SDK1: variants seen among roughly 807,000 people sequenced by gnomAD.
SDK1 encodes the protein sidekick cell adhesion molecule 1.
A neutral mutation model predicts 245.5 loss-of-function variants in SDK1; 157 were observed. The observed-to-expected ratio is 0.64, with a 90% CI of 0.56 to 0.73. The LOEUF (loss-of-function observed/expected upper bound fraction) is 0.73. SDK1 is among the 30% of genes least tolerant of loss of function. SDK1 has a pLI of 0.00. For synonymous variants in SDK1, 1,647 were observed against 1,278.5 expected (o/e 1.29, Z -6.15); for missense variants, 3,583 against 3,002.3 (o/e 1.19, Z -4.52).
chr7:3,604,551 G>T, intron 1 of SDK1, among the ~76,000 whole-genome samples: 1 of 145,074 alleles, frequency 6.9e-6, no homozygotes, highest in South Asian at 2.2e-4. Flanking sequence ...TATTTTCATT[G>T]TTTTATTTAT....
At chr7:3,816,343 C>T (rs1265341970) in intron 4 of SDK1, among the ~76,000 whole-genome samples, 146 of 149,032 alleles carry the variant, frequency 9.8e-4, no homozygotes, top group African/African-American at 3.3e-3. Flanking sequence ...ATTGATAGAC[C>T]GCTAGCAAGA....
chr7:3,842,623 C>A (rs1780186699), intron 5 of SDK1, among the ~76,000 whole-genome samples: 1 of 152,140 alleles, frequency 6.6e-6, no homozygotes, highest in Non-Finnish European at 1.5e-5. Context: ...GGTATACTGT[C>A]AGTGGACAGT....
chr7:4,133,188 C>T (rs942603106), intron 28 of SDK1, among the ~76,000 whole-genome samples: 3 of 152,192 alleles, frequency 2.0e-5, no homozygotes, highest in East Asian at 1.9e-4. Context: ...TCCCGGGGAA[C>T]GCGTTTACTT....
intron 2 of SDK1, among the ~76,000 whole-genome samples, chr7:3,630,416 C>T (rs2128647853): frequency 6.6e-6 from 1 of 152,258 alleles, no homozygotes; most frequent in Middle Eastern, 3.4e-3. Flanking sequence ...AGAAGATCAA[C>T]ATATAAGAAT....
At chr7:3,333,233 G>A (rs893052278) in intron 1 of SDK1, among the ~76,000 whole-genome samples, 7 of 152,034 alleles carry the variant, frequency 4.6e-5, no homozygotes, top group African/African-American at 1.4e-4. Context: ...CAATATGGCC[G>A]GTTATTGGCA....
chr7:3,464,583 T>G (rs866182115), intron 1 of SDK1, among the ~76,000 whole-genome samples: 2 of 152,148 alleles, frequency 1.3e-5, no homozygotes, highest in Admixed American at 6.5e-5. Flanking sequence ...GTGGCTCTTT[T>G]TTTGTTTGTT....
chr7:3,795,349 G>A (rs1191947008), intron 4 of SDK1, among the ~76,000 whole-genome samples: 1 of 152,088 alleles, frequency 6.6e-6, no homozygotes. Flanking sequence ...TTGGCTTTCA[G>A]TACACCCTGG....
intron 1 of SDK1, among the ~76,000 whole-genome samples, chr7:3,516,818 G>A (rs1422752009): frequency 6.6e-6 from 1 of 152,076 alleles, no homozygotes; most frequent in Non-Finnish European, 1.5e-5. Context: ...TCATTCAAAG[G>A]AACGCACTCA....
At chr7:4,256,991 G>A (rs1157671417) in intron 44 of SDK1, among the ~76,000 whole-genome samples, 1 of 152,180 alleles carries the variant, frequency 6.6e-6, no homozygotes, top group Admixed American at 6.5e-5. Flanking sequence ...AGTGTCACAC[G>A]ACGCATGCTG....
intron 4 of SDK1, among the ~76,000 whole-genome samples, chr7:3,729,293 GCTAATATATAATTCCTTAA>G (rs1779105847): frequency 1.3e-5 from 2 of 152,164 alleles, no homozygotes; most frequent in African/African-American, 4.8e-5. Flanking sequence ...TCTCATTCTG[GCTAATATATAATTCCTTAA>G]CTTAATGGTT....
intron 4 of SDK1, among the ~76,000 whole-genome samples, chr7:3,704,297 T>G (rs1328963520): frequency 6.6e-6 from 1 of 152,126 alleles, no homozygotes; most frequent in Admixed American, 6.5e-5. Context: ...CATTGTTTGA[T>G]GCCACATTTT....
At chr7:3,998,043 A>G (rs1583778229) in intron 14 of SDK1, among the ~76,000 whole-genome samples, 1 of 152,240 alleles carries the variant, frequency 6.6e-6, no homozygotes. Flanking sequence ...GCTGTGCCCA[A>G]GAGGGCAGGG....
chr7:4,016,242 C>T (rs896543996), intron 16 of SDK1, among the ~76,000 whole-genome samples: 6 of 152,356 alleles, frequency 3.9e-5, no homozygotes, highest in African/African-American at 9.6e-5. Context: ...AGCGGATTTG[C>T]TGCCACTCAA....
chr7:4,243,985 A>G (rs1195350076), intron 43 of SDK1, among the ~76,000 whole-genome samples: 1 of 152,176 alleles, frequency 6.6e-6, no homozygotes, highest in Non-Finnish European at 1.5e-5. Context: ...AGATTTACCC[A>G]AATGTTTAGA....
At chr7:3,552,268 C>G (rs530373934) in intron 1 of SDK1, among the ~76,000 whole-genome samples, 1 of 152,086 alleles carries the variant, frequency 6.6e-6, no homozygotes, top group African/African-American at 2.4e-5. Context: ...CGATCGATCT[C>G]CTGACCTTGT....
intron 1 of SDK1, among the ~76,000 whole-genome samples, chr7:3,352,349 T>C (rs1258392279): frequency 6.6e-6 from 1 of 152,008 alleles, no homozygotes; most frequent in Non-Finnish European, 1.5e-5. Context: ...CTAGTGATCA[T>C]GTATGTGGGA....
In SDK1 at chr7:4,127,373, C is replaced by T; in HGVS notation, c.3824-8C>T. ...TGGATGCTAATCTACTTCATTGGTT[C>T]TTTGCAGTTCCTTCAGCCGCCCCTG... On this transcript the variant is annotated splice_region_variant and splice_polypyrimidine_tract_variant and intron_variant, in intron 25 of 44. Transcript: ENST00000404826. 1.2e-6 allele frequency: 2 copies of T among 1,608,978 alleles called. No homozygotes were observed. Among genetic ancestry groups the T allele is most frequent in the Non-Finnish European group, 1.7e-6 (2 of 1,175,288 alleles).
intron 1 of SDK1, among the ~76,000 whole-genome samples, chr7:3,401,556 G>A (rs1246861518): frequency 6.6e-6 from 1 of 152,152 alleles, no homozygotes; most frequent in Non-Finnish European, 1.5e-5. Flanking sequence ...TCATGGCCCA[G>A]GTGAGTCTTG....
At position 4,049,437 on chromosome 7, in the gene SDK1, A is replaced by C; in HGVS notation, c.2692A>C (p.Ile898Leu). 1.2e-6 allele frequency: 2 copies of C among 1,614,006 alleles called. No homozygotes were observed. The highest frequency in any genetic ancestry group is 1.7e-6 in the Non-Finnish European group (2 of 1,179,884). Residue 898 changes from isoleucine (I) to leucine (L), a missense_variant, in exon 18 of 45, where the codon ATC (isoleucine) becomes CTC (leucine). By Grantham distance (5) the Ile-to-Leu change is conservative. Coordinates refer to ENST00000404826, the MANE Select transcript of SDK1 (RefSeq NM_152744.4). ...FLWNPPPQQF[I>L]NGINQGYKLL... ...GTGGAACCCTCCGCCTCAGCAGTTT[A>C]TCAATGGCATCAACCAGGGATACAA... is the stretch of plus-strand genomic sequence containing the variant.
Sources: gnomAD v4.1 joint callset for allele counts (sites outside exome capture counted in the v4.1 genomes callset) on GRCh38, gnomAD v4.1.1 for gene constraint, MANE v1.5 for transcripts, NCBI Gene and HGNC (gene_info 2026-07-23, HGNC 2026-07-21) for gene names.